Variants in CSNK1D observed in about 807,000 individuals in gnomAD.
The protein encoded by CSNK1D is casein kinase I isoform delta.
A neutral mutation model predicts 46.6 loss-of-function variants in CSNK1D; 16 were observed. The observed-to-expected ratio is 0.34, with a 90% confidence interval of 0.23 to 0.52. The LOEUF is 0.52. CSNK1D is among the 20% of genes least tolerant of loss of function. The pLI is 0.95. For missense variants in CSNK1D, 398 were observed against 578.4 expected, an observed-to-expected ratio of 0.69 and a Z score of 3.20; for synonymous variants, 276 against 228.2, an observed-to-expected ratio of 1.21 and a Z score of -1.89.
chr17:82,242,856 G>A lies in CSNK1D; in HGVS notation c.*1925C>T, dbSNP rs897728549. On this transcript the variant is annotated 3_prime_UTR_variant, in exon 9 of 9. Coordinates refer to ENST00000314028, the MANE Select transcript of CSNK1D (RefSeq NM_001893.6). ...GGACTGTCACAAGCACTCCGAAGAC[G>A]CGACCCGGCGAGGCTCGGGCTGGAA... 1.4e-5 allele frequency: 14 copies of A among 985,290 alleles called. No homozygotes were observed. Among genetic ancestry groups the A allele is most frequent in the African/African-American group, 7.0e-5 (4 of 57,232 alleles). 61.0% of individuals were successfully genotyped at this position (985,290 alleles called of 1,614,324 possible). A position where few individuals can be genotyped will look rare whatever the true frequency, so the allele number is the denominator to read the frequency against.
rs187463646 is a variant in CSNK1D, at chr17:82,246,444, G to A, written c.1198-1613C>T. 1.6e-5 allele frequency: 18 copies of A among 1,157,156 alleles called. No individual in the cohort carries two copies. The African/African-American group carries it at 2.7e-4, about 17-fold the overall frequency. 71.7% of individuals were successfully genotyped at this position (1,157,156 alleles called of 1,614,324 possible). A position where few individuals can be genotyped will look rare whatever the true frequency, so the allele number is the denominator to read the frequency against. On this transcript the variant is annotated intron_variant, in intron 8 of 8. Coordinates refer to ENST00000314028, the MANE Select transcript of CSNK1D (RefSeq NM_001893.6). Reference sequence around the variant, plus strand: ...GGCTCAGGCCTAGTCCTGGGCAGGAGTTGATCAAAGCGAGTCATCGACTGT... The same window carrying A: ...GGCTCAGGCCTAGTCCTGGGCAGGAATTGATCAAAGCGAGTCATCGACTGT...
chr17:82,239,454 ACC>A (rs1436588152), downstream of CSNK1D: 1 of 167,816 alleles, frequency 6.0e-6, no homozygotes, highest in Non-Finnish European at 1.3e-5. Context: ...ATGGAAATAA[ACC>A]TGCGTGTGGG....
rs1555792094 is a variant in CSNK1D, at chr17:82,251,843, A to AAG, written c.737-318_737-317dup. The AAG allele has an allele frequency of 2.4e-5, 9 of 369,048 alleles. No individual in the cohort carries two copies. Among genetic ancestry groups the AAG allele is most frequent in the African/African-American group, 1.5e-4 (7 of 47,292 alleles). The allele number at this position is 369,048 out of a possible 1,614,324, so 22.9% of individuals were successfully genotyped here. On this transcript the variant is annotated intron_variant, in intron 5 of 8. Transcript: ENST00000314028. This position sits in a 1 kb window ranked among gnomAD's most constrained non-coding sequence, Gnocchi z 4.5. ...ATCTCTACTGAAAAAAAAAAAAAAA[A>AAG]AGTTCTAGAGCGTGGTGGCGGGCGC...
downstream of CSNK1D, chr17:82,239,186 C>T (rs914214327): frequency 1.3e-5 from 6 of 476,550 alleles, no homozygotes; most frequent in South Asian, 4.7e-5. Context: ...GAAGCCAAGC[C>T]GCAAGGTTAC....
At position 82,244,020 on chromosome 17, in the gene CSNK1D, C is replaced by CCGCA. The variant is rs2050789161; in HGVS notation, c.*760_*761insTGCG. ...CACTGCACCCCTGCCCCGCGGCAGC[C>CCGCA]TGCGGTCCCTAACTGCTCTCCGAGG... On this transcript the variant is annotated 3_prime_UTR_variant, in exon 9 of 9. Transcript: ENST00000314028. 2.0e-6 allele frequency: 2 copies of CCGCA among 987,186 alleles called. No individual in the cohort carries two copies. Among genetic ancestry groups the CCGCA allele is most frequent in the Non-Finnish European group, 2.4e-6 (2 of 831,144 alleles). The allele number at this position is 987,186 out of a possible 1,614,324, so 61.2% of individuals were successfully genotyped here.
chr17:82,247,304 A>G (rs1042692789), intron 8 of CSNK1D: 3 of 985,292 alleles, frequency 3.0e-6, no homozygotes, highest in Admixed American at 6.1e-5. Flanking sequence ...GCTGGTGGCT[A>G]CAACAGCCAC....
At chr17:82,260,713 G>A (rs1419598347) in intron 2 of CSNK1D, among the ~76,000 whole-genome samples, 2 of 138,800 alleles carry the variant, frequency 1.4e-5, no homozygotes, top group African/African-American at 6.6e-5. Context: ...TGATGTGACT[G>A]ATGGTGTACT....
upstream of CSNK1D, chr17:82,273,749 G>GGGGCGGGGCC (rs1392434562): frequency 5.4e-4 from 259 of 479,646 alleles, no homozygotes; most frequent in African/African-American, 3.2e-3. This position sits in a 1 kb window ranked among gnomAD's most constrained non-coding sequence, Gnocchi z 5.1. Flanking sequence ...CGGCGCTCCA[G>GGGGCGGGGCC]GGGCGGGGCC....
chr17:82,254,889 C>T (rs1186664444), intron 3 of CSNK1D, among the ~76,000 whole-genome samples: 8 of 127,684 alleles, frequency 6.3e-5, no homozygotes, highest in Non-Finnish European at 6.6e-5. Flanking sequence ...CTCGAGAAGC[C>T]AGTCAGCTGA....
chr17:82,268,736 G>A (rs988560726), intron 1 of CSNK1D, among the ~76,000 whole-genome samples: 2 of 152,176 alleles, frequency 1.3e-5, no homozygotes, highest in Non-Finnish European at 2.9e-5. Flanking sequence ...CTCAGTCCGT[G>A]TTTGGGTATC....
intron 1 of CSNK1D, among the ~76,000 whole-genome samples, chr17:82,272,485 C>T (rs1175508009): frequency 6.6e-6 from 1 of 152,246 alleles, no homozygotes; most frequent in Non-Finnish European, 1.5e-5. Flanking sequence ...TACCTTGAGA[C>T]TGTTACAGTC....
intron 8 of CSNK1D, chr17:82,246,194 T>C: frequency 2.6e-6 from 4 of 1,532,374 alleles, no homozygotes; most frequent in East Asian, 2.5e-5. Context: ...ACAGCCTCAC[T>C]TGCCTCTCAG....
In CSNK1D at chr17:82,249,297, AC is replaced by A. The variant is rs2050934917; in HGVS notation, c.1057+133del. 1 of 1,007,980 alleles carries A rather than the reference AC, an allele frequency of 9.9e-7. No homozygotes were observed. The allele number at this position is 1,007,980 out of a possible 1,614,324, so 62.4% of individuals were successfully genotyped here. A position where few individuals can be genotyped will look rare whatever the true frequency, so the allele number is the denominator to read the frequency against. On this transcript the variant is annotated intron_variant, in intron 7 of 8. Coordinates refer to ENST00000314028, the MANE Select transcript of CSNK1D (RefSeq NM_001893.6). The surrounding 1 kb of genome is among the most constrained non-coding windows in gnomAD (Gnocchi z 6.7). Reference sequence around the variant, plus strand: ...GGCGCCTGGGCAGCCTGGCTCATCCACCCTCAGGAGCGAGCATCGCCTGACA... The same window carrying A: ...GGCGCCTGGGCAGCCTGGCTCATCCACCTCAGGAGCGAGCATCGCCTGACA...
Position 82,243,969 on chromosome 17 carries a change from C to T in CSNK1D, c.*812G>A, listed in dbSNP as rs966455820. On this transcript the variant is annotated 3_prime_UTR_variant, in exon 9 of 9. Coordinates refer to ENST00000314028, the MANE Select transcript of CSNK1D (RefSeq NM_001893.6). ...GCCTGCCCACCTCCTGGGGAAGAAG[C>T]GCGCAGTGCTTTGCCTGGTAACACC... 4.0e-5 allele frequency: 39 copies of T among 985,716 alleles called. No homozygotes were observed. Among genetic ancestry groups the T allele is most frequent in the Middle Eastern group, 5.2e-4 (1 of 1,938 alleles). 61.1% of individuals were successfully genotyped at this position (985,716 alleles called of 1,614,324 possible). A position where few individuals can be genotyped will look rare whatever the true frequency, so the allele number is the denominator to read the frequency against.
At chr17:82,265,178 A>ATT (rs111692114) in intron 2 of CSNK1D, 79 of 174,908 alleles carry the variant, frequency 4.5e-4, no homozygotes, top group East Asian at 1.2e-3. Flanking sequence ...ATGGTATAAG[A>ATT]TTTTTTTTTT....
In CSNK1D at chr17:82,255,225, C is replaced by T. The variant is rs937040053; in HGVS notation, c.336+204G>A. ...TCGAGAAGCCAGTGAGCTGGGCCGC[C>T]GGAGCCTCGAGAAGCCAGTGAGCGG... On this transcript the variant is annotated intron_variant, in intron 3 of 8. Coordinates refer to ENST00000314028, the MANE Select transcript of CSNK1D (RefSeq NM_001893.6). The surrounding 1 kb of genome is among the most constrained non-coding windows in gnomAD (Gnocchi z 5.9). The T allele has an allele frequency of 3.4e-4, 229 of 665,278 alleles. No individual in the cohort carries two copies. The highest frequency in any genetic ancestry group is 4.6e-4 in the Non-Finnish European group (173 of 377,650). The allele number at this position is 665,278 out of a possible 1,614,324, so 41.2% of individuals were successfully genotyped here.
chr17:82,256,688 C>G (rs1046384060), intron 2 of CSNK1D, among the ~76,000 whole-genome samples: 2 of 152,138 alleles, frequency 1.3e-5, no homozygotes, highest in African/African-American at 4.8e-5. Context: ...CAGTCAAATT[C>G]AAATGCTGCA....
chr17:82,269,074 G>A (rs2051550713), intron 1 of CSNK1D, among the ~76,000 whole-genome samples: 1 of 145,868 alleles, frequency 6.9e-6, no homozygotes, highest in Non-Finnish European at 1.5e-5. Context: ...CCCAGCCTAG[G>A]CAACAGAATG....
At position 82,252,867 on chromosome 17, in the gene CSNK1D, C is replaced by A. The variant is rs950046440; in HGVS notation, c.565+149G>T. The A allele has an allele frequency of 5.0e-6, 4 of 802,010 alleles. No homozygotes were observed. Among genetic ancestry groups the A allele is most frequent in the Non-Finnish European group, 6.3e-6 (3 of 476,302 alleles). 49.7% of individuals were successfully genotyped at this position (802,010 alleles called of 1,614,324 possible). On this transcript the variant is annotated intron_variant, in intron 4 of 8. Transcript: ENST00000314028. This position sits in a 1 kb window ranked among gnomAD's most constrained non-coding sequence, Gnocchi z 4.6. Reference sequence around the variant, plus strand: ...CCCAGCATCCGCCTGCCCCCATACACCTGGCAGTCACGAGCCAGCCTGTCT... The same window carrying A: ...CCCAGCATCCGCCTGCCCCCATACAACTGGCAGTCACGAGCCAGCCTGTCT...
Sources: gnomAD v4.1 joint callset for allele counts (sites outside exome capture counted in the v4.1 genomes callset) on GRCh38, gnomAD v4.1.1 for gene constraint, Gnocchi (gnomAD v3.1) non-coding constraint, MANE v1.5 for transcripts, NCBI Gene and HGNC (gene_info 2026-07-23, HGNC 2026-07-21) for gene names.